HACE1: variants seen among roughly 807,000 people sequenced by gnomAD.
HACE1 encodes HECT domain and ankyrin repeat containing E3 ubiquitin protein ligase 1.
A neutral mutation model predicts 118.4 loss-of-function variants in HACE1; 73 were observed. The ratio of observed to expected loss-of-function variants is 0.62; its 90% CI spans 0.51 to 0.75. The LOEUF is 0.75. HACE1 is among the 30% of genes least tolerant of loss of function. The pLI, the probability that HACE1 is intolerant of heterozygous loss-of-function variation, is 0.00. For synonymous variants in HACE1, 368 were observed against 374.8 expected (o/e 0.98, Z 0.21); for missense variants, 749 against 1,102.2 (o/e 0.68, Z 4.54).
At chr6:104,790,564 G>A (rs1473735995) in intron 11 of HACE1, among the ~76,000 whole-genome samples, 3 of 152,134 alleles carry the variant, frequency 2.0e-5, no homozygotes, top group Non-Finnish European at 4.4e-5. Context: ...ACTAGCCTGG[G>A]CAACATGGCA....
intron 17 of HACE1, among the ~76,000 whole-genome samples, chr6:104,773,227 G>T (rs1780832892): frequency 6.6e-6 from 1 of 152,100 alleles, no homozygotes; most frequent in African/African-American, 2.4e-5. Flanking sequence ...AAATGCCTGG[G>T]CTAAAAGAAA....
chr6:104,786,625 C>CA (rs1782443909), intron 11 of HACE1: 1 of 136,336 alleles, frequency 7.3e-6, no homozygotes, highest in African/African-American at 2.8e-5. Flanking sequence ...AAAAAACAAA[C>CA]AAACAAACAA....
intron 20 of HACE1, 24 bp downstream of exon 20, chr6:104,750,317 A>G (rs202113530): frequency 1.1e-5 from 18 of 1,600,876 alleles, no homozygotes; most frequent in Non-Finnish European, 1.4e-5. Flanking sequence ...GTGTTACAAC[A>G]TAAGAACTGA....
chr6:104,747,745 A>G (rs545817207), intron 20 of HACE1, among the ~76,000 whole-genome samples: 3 of 152,296 alleles, frequency 2.0e-5, no homozygotes, highest in Middle Eastern at 3.4e-3. Flanking sequence ...TCACCTCAAG[A>G]GATTTTTTGT....
chr6:104,835,271 G>C (rs1322769375), intron 5 of HACE1, among the ~76,000 whole-genome samples: 3 of 152,054 alleles, frequency 2.0e-5, no homozygotes, highest in Non-Finnish European at 2.9e-5. Flanking sequence ...CCAAACATCT[G>C]ATAAACGCAT....
intron 22 of HACE1, among the ~76,000 whole-genome samples, chr6:104,739,562 G>C (rs1035288374): frequency 2.0e-5 from 3 of 151,936 alleles, no homozygotes; most frequent in Admixed American, 6.6e-5. Flanking sequence ...GATCAAAAGA[G>C]ACAAAGAAGG....
chr6:104,748,842 G>C (rs527380925), intron 20 of HACE1, among the ~76,000 whole-genome samples: 1 of 152,164 alleles, frequency 6.6e-6, no homozygotes, highest in African/African-American at 2.4e-5. Context: ...GGCGAATCTC[G>C]TCTATGATTT....
intron 22 of HACE1, among the ~76,000 whole-genome samples, chr6:104,739,190 T>C (rs184340538): frequency 0.12 from 18,485 of 152,144 alleles, 1,532 homozygotes; most frequent in Non-Finnish European, 0.18. Context: ...AAGGAACAAC[T>C]GGTACCAGCC....
chr6:104,820,401 G>C (rs1314189640), intron 6 of HACE1, among the ~76,000 whole-genome samples: 4 of 152,032 alleles, frequency 2.6e-5, no homozygotes, highest in Admixed American at 6.6e-5. Flanking sequence ...AGAATGAACA[G>C]AAAACCTACA....
intron 6 of HACE1, among the ~76,000 whole-genome samples, chr6:104,812,419 TG>T (rs1771724146): frequency 6.6e-6 from 1 of 152,126 alleles, no homozygotes; most frequent in South Asian, 2.1e-4. Flanking sequence ...CACTCCAGCT[TG>T]GGCAACAGAG....
chr6:104,855,254 C>T (rs565258622), intron 1 of HACE1, among the ~76,000 whole-genome samples: 80 of 152,194 alleles, frequency 5.3e-4, no homozygotes, highest in African/African-American at 1.9e-3. Context: ...ACCATCCTGG[C>T]TAACAAGGTG....
intron 6 of HACE1, among the ~76,000 whole-genome samples, chr6:104,812,190 ATG>A (rs1352828019): frequency 6.6e-6 from 1 of 152,166 alleles, no homozygotes; most frequent in Non-Finnish European, 1.5e-5. Context: ...AAGGAAGAAA[ATG>A]TAAAAACATA....
chr6:104,816,704 C>G (rs549760704), intron 6 of HACE1, among the ~76,000 whole-genome samples: 5 of 152,244 alleles, frequency 3.3e-5, no homozygotes, highest in African/African-American at 1.2e-4. Context: ...GCCACCACCC[C>G]CCAGACCCAA....
At chr6:104,851,902 CACT>C (rs1466729707) in intron 2 of HACE1, among the ~76,000 whole-genome samples, 1 of 152,102 alleles carries the variant, frequency 6.6e-6, no homozygotes, top group Non-Finnish European at 1.5e-5. Flanking sequence ...AGAATGTCAA[CACT>C]ACATCAATAA....
At position 104,772,110 on chromosome 6, in the gene HACE1, A is replaced by G. The variant is rs191528878; in HGVS notation, c.1865-36T>C. 54 of 1,164,792 alleles carry G rather than the reference A, an allele frequency of 4.6e-5. No homozygotes were observed. The East Asian group carries it at 1.2e-3, about 26-fold the overall frequency. The allele number at this position is 1,164,792 out of a possible 1,614,324, so 72.2% of individuals were successfully genotyped here. A position where few individuals can be genotyped will look rare whatever the true frequency, so the allele number is the denominator to read the frequency against. ...AAATACAAAATAATATATTATTAAGAATCTATATGCAGAAGAAAGATTACT... is the reference window on the plus strand; with the variant it reads ...AAATACAAAATAATATATTATTAAGGATCTATATGCAGAAGAAAGATTACT... On this transcript the variant is annotated intron_variant, in intron 17 of 23. Coordinates refer to ENST00000262903, the MANE Select transcript of HACE1 (RefSeq NM_020771.4).
At chr6:104,830,934 A>T (rs377482670) in intron 6 of HACE1, among the ~76,000 whole-genome samples, 33 of 152,096 alleles carry the variant, frequency 2.2e-4, no homozygotes, top group African/African-American at 8.0e-4. Flanking sequence ...TAGTGTGGAC[A>T]TCCAAGCAGC....
rs1782116482 is a variant in HACE1, at chr6:104,784,421, T to G, written c.1474A>C (p.Asn492His). 1 of 1,606,462 alleles carries G rather than the reference T, an allele frequency of 6.2e-7. No individual in the cohort carries two copies. Among genetic ancestry groups the G allele is most frequent in the South Asian group, 1.1e-5 (1 of 90,950 alleles). Residue 492 changes from asparagine (N) to histidine (H), a missense_variant, in exon 13 of 24, where the codon AAT (asparagine) becomes CAT (histidine). Around this residue, in one of 5 missense-constraint regions of HACE1, gnomAD observed 195 missense variants for 322.1 expected, o/e 0.61. Transcript: ENST00000262903. ...CCACAAACCCAGAAAGCTTACCTATTAACAAAGCATTTTAAAACTTCATCA... is the reference window on the plus strand; with the variant it reads ...CCACAAACCCAGAAAGCTTACCTATGAACAAAGCATTTTAAAACTTCATCA... ...KHDEVLKCFV[N>H]RNPKIIFDHF...
chr6:104,834,223 T>C (rs1462421606), intron 5 of HACE1, among the ~76,000 whole-genome samples: 1 of 152,128 alleles, frequency 6.6e-6, no homozygotes, highest in Admixed American at 6.6e-5. Flanking sequence ...AATCATCAAA[T>C]ACTCTGCTTC....
rs556188449 is a variant in HACE1, at chr6:104,745,050, G to C, written c.2344-440C>G. Among the ~76,000 whole-genome samples, 115 of 152,212 alleles carry C rather than the reference G, an allele frequency of 7.6e-4. 1 individual carries two copies. Among genetic ancestry groups the C allele is most frequent in the South Asian group, 1.7e-3 (8 of 4,824 alleles). ...AAATACTTGACTAAACAAGGGGAAA[G>C]TCATCAAGAAATCATTATCATGAGG... On this transcript the variant is annotated intron_variant, in intron 20 of 23. Coordinates refer to ENST00000262903, the MANE Select transcript of HACE1 (RefSeq NM_020771.4).
Sources: allele counts gnomAD v4.1 joint callset (sites outside exome capture counted in the v4.1 genomes callset), GRCh38; gene constraint gnomAD v4.1.1; regional missense constraint gnomAD v4.1.1; transcripts MANE v1.5; gene names NCBI Gene and HGNC (gene_info 2026-07-23, HGNC 2026-07-21).